Variants in ANKRD44 observed in about 807,000 individuals in gnomAD.
ANKRD44 encodes the protein ankyrin repeat domain 44.
In ANKRD44, 35 loss-of-function variants were observed where a neutral mutation model predicts 116.0. The observed-to-expected ratio is 0.30, with a 90% CI of 0.23 to 0.40. The LOEUF (loss-of-function observed/expected upper bound fraction) is 0.40. Among genes scored for constraint, ANKRD44 ranks in the 10% least tolerant of loss-of-function variants. The probability of loss-of-function intolerance (pLI) is 1.00; values close to 1 mark genes in which losing one functional copy is unlikely to be tolerated. For missense variants in ANKRD44, 1,014 were observed against 1,242.6 expected, an observed-to-expected ratio of 0.82 and a Z score of 2.77; for synonymous variants, 435 against 461.8, an observed-to-expected ratio of 0.94 and a Z score of 0.74.
intron 6 of ANKRD44, among the ~76,000 whole-genome samples, 187 bp downstream of exon 6, chr2:197,125,194 T>C (rs976148743): frequency 6.6e-6 from 1 of 152,324 alleles, no homozygotes; most frequent in East Asian, 1.9e-4. Flanking sequence ...TAAATAAATA[T>C]CTGACAAAGC....
Position 197,150,311 on chromosome 2 carries a change from G to A in ANKRD44, c.112-3206C>T, listed in dbSNP as rs182223499. On this transcript the variant is annotated intron_variant, in intron 2 of 27. Coordinates refer to ENST00000282272, the MANE Select transcript of ANKRD44 (RefSeq NM_001195144.2). ...CACCTGTAATCCCAGCACTTTGGGA[G>A]GCTGAGGTGGGCGGATCACAAGTTC... Among the ~76,000 whole-genome samples, 308 of 152,246 alleles carry A rather than the reference G, an allele frequency of 2.0e-3. 1 individual carries two copies. Among genetic ancestry groups the A allele is most frequent in the African/African-American group, 7.3e-3 (302 of 41,546 alleles).
chr2:197,171,327 C>T (rs1051615296), intron 2 of ANKRD44, among the ~76,000 whole-genome samples: 6 of 152,094 alleles, frequency 3.9e-5, no homozygotes, highest in African/African-American at 1.4e-4. Flanking sequence ...AAACTTTGGG[C>T]AGTTGTGCTA....
rs536885039 is a variant in ANKRD44, at chr2:197,293,846, T to C, written c.27+16732A>G. Among the ~76,000 whole-genome samples the C allele has an allele frequency of 2.0e-5, 3 of 152,324 alleles. No individual in the cohort carries two copies. The East Asian group carries it at 5.8e-4, about 29-fold the overall frequency. On this transcript the variant is annotated intron_variant, in intron 1 of 27. Coordinates refer to ENST00000282272, the MANE Select transcript of ANKRD44 (RefSeq NM_001195144.2). ...CTGGATAATGCAGATGATACGATAC[T>C]AGAACCACATGATAATTACCCAGGC...
intron 16 of ANKRD44, among the ~76,000 whole-genome samples, chr2:197,073,342 C>A (rs1367855704): frequency 2.0e-5 from 3 of 152,170 alleles, no homozygotes; most frequent in Non-Finnish European, 4.4e-5. Flanking sequence ...AACTTATATT[C>A]CCCTCTCCAC....
At chr2:197,146,285 A>C (rs894514015) in intron 3 of ANKRD44, among the ~76,000 whole-genome samples, 19 of 152,150 alleles carry the variant, frequency 1.2e-4, no homozygotes, top group Non-Finnish European at 5.9e-5. Context: ...GACATTTTTT[A>C]CTTAACCTGC....
At chr2:197,177,024 C>T (rs2080381405) in intron 2 of ANKRD44, among the ~76,000 whole-genome samples, 1 of 152,106 alleles carries the variant, frequency 6.6e-6, no homozygotes, top group Non-Finnish European at 1.5e-5. Context: ...AGCAATAGGT[C>T]CTTGGTAAAA....
chr2:197,047,605 G>A (rs2077025594), intron 16 of ANKRD44, among the ~76,000 whole-genome samples: 1 of 152,136 alleles, frequency 6.6e-6, no homozygotes, highest in African/African-American at 2.4e-5. Context: ...CCAAAACAGA[G>A]AGGGGGAATT....
chr2:197,076,833 T>G (rs920751076), intron 16 of ANKRD44, among the ~76,000 whole-genome samples: 1 of 152,168 alleles, frequency 6.6e-6, no homozygotes, highest in Admixed American at 6.5e-5. Context: ...AAGGACATGA[T>G]CTAGTTCTTT....
At position 197,236,842 on chromosome 2, in the gene ANKRD44, A is replaced by C. The variant is rs998060354; in HGVS notation, c.28-49736T>G. The stretch of plus-strand genomic sequence containing the variant: ...CTGAGTTTGTATAATGAGAGCACAC[A>C]GTGAGGGAGAAGGTCTGAAGGCTAC... On this transcript the variant is annotated intron_variant, in intron 1 of 27. Transcript: ENST00000282272. Among the ~76,000 whole-genome samples, 6 of 152,190 alleles carry C rather than the reference A, an allele frequency of 3.9e-5. No individual in the cohort carries two copies. In the East Asian group the frequency reaches 5.8e-4, roughly 15 times the overall value.
At chr2:197,089,030 T>A (rs112863545) in intron 11 of ANKRD44, among the ~76,000 whole-genome samples, 41 of 152,330 alleles carry the variant, frequency 2.7e-4, no homozygotes, top group Admixed American at 9.8e-4. Flanking sequence ...TCCCATTTTT[T>A]AATCCCAGGA....
intron 15 of ANKRD44, among the ~76,000 whole-genome samples, chr2:197,080,691 A>G (rs1574417745): frequency 1.3e-5 from 2 of 152,134 alleles, no homozygotes; most frequent in Admixed American, 1.3e-4. Context: ...AGGTCCCACA[A>G]CCTGCATTGG....
At chr2:197,139,922 C>A (rs1028589817) in intron 3 of ANKRD44, among the ~76,000 whole-genome samples, 6 of 150,512 alleles carry the variant, frequency 4.0e-5, no homozygotes, top group African/African-American at 1.5e-4. Context: ...CTCTGTCACC[C>A]AGGCTGGAGT....
intron 1 of ANKRD44, among the ~76,000 whole-genome samples, chr2:197,200,056 T>C (rs916334479): frequency 2.0e-5 from 3 of 152,202 alleles, no homozygotes; most frequent in African/African-American, 7.2e-5. Context: ...ATGTGTGACA[T>C]AGTCCTTTCC....
chr2:197,108,474 G>A (rs2078486608), intron 9 of ANKRD44, among the ~76,000 whole-genome samples: 2 of 152,242 alleles, frequency 1.3e-5, no homozygotes, highest in South Asian at 2.1e-4. Flanking sequence ...AATGAGAGAG[G>A]TTCTGAAACA....
chr2:197,130,457 G>A (rs980311601), intron 4 of ANKRD44, among the ~76,000 whole-genome samples: 2 of 152,172 alleles, frequency 1.3e-5, no homozygotes, highest in Admixed American at 6.5e-5. Context: ...GCATGTAGAC[G>A]ACATGTATCA....
chr2:197,042,407 T>C (rs912492279), intron 16 of ANKRD44, among the ~76,000 whole-genome samples: 2 of 152,012 alleles, frequency 1.3e-5, no homozygotes, highest in African/African-American at 4.8e-5. Context: ...TGGCCAACAT[T>C]GTTAGGAGAA....
At chr2:197,283,979 T>C (rs994341237) in intron 1 of ANKRD44, among the ~76,000 whole-genome samples, 4 of 152,184 alleles carry the variant, frequency 2.6e-5, no homozygotes, top group African/African-American at 7.2e-5. Flanking sequence ...TACAGAGAGA[T>C]TGTGTAGAAG....
At chr2:196,989,845 G>T in intron 27 of ANKRD44, 196 bp from the exon 28 acceptor site, 1 of 1,275,280 alleles carries the variant, frequency 7.8e-7, no homozygotes, top group South Asian at 2.3e-5. Flanking sequence ...GAACAATGCT[G>T]ATGATTCTGA....
chr2:197,000,022 T>C lies in ANKRD44; in HGVS notation c.2519+397A>G, dbSNP rs2076086458. Among the ~76,000 whole-genome samples the C allele has an allele frequency of 2.0e-5, 3 of 152,304 alleles. No homozygotes were observed. In the South Asian group the frequency reaches 6.2e-4, roughly 32 times the overall value. The stretch of plus-strand genomic sequence containing the variant: ...CATATCCATTCAATGAAATAATATG[T>C]AGCTTCAAAAAGAATATGGTAAATC... On this transcript the variant is annotated intron_variant, in intron 23 of 27. Coordinates refer to ENST00000282272, the MANE Select transcript of ANKRD44 (RefSeq NM_001195144.2).
Sources: gnomAD v4.1 joint callset for allele counts (sites outside exome capture counted in the v4.1 genomes callset) on GRCh38, gnomAD v4.1.1 for gene constraint, MANE v1.5 for transcripts, NCBI Gene and HGNC (gene_info 2026-07-23, HGNC 2026-07-21) for gene names.